The following NPAS3 variants were observed in gnomAD, a reference collection of about 807,000 sequenced individuals.
NPAS3 encodes the protein neuronal PAS domain-containing protein 3.
In NPAS3, 14 loss-of-function variants were observed where a neutral mutation model predicts 73.1. The ratio of observed to expected loss-of-function variants is 0.19; its 90% confidence interval spans 0.13 to 0.30. The LOEUF (loss-of-function observed/expected upper bound fraction) is 0.30, where lower values mean the gene tolerates loss of function less well. Ranked by LOEUF, NPAS3 falls within the 10% of genes least tolerant of loss-of-function variation. NPAS3 has a pLI of 1.00. For missense variants in NPAS3, 1,096 were observed against 1,250.0 expected (o/e 0.88, Z 1.86); for synonymous variants, 620 against 541.5 (o/e 1.14, Z -2.01).
chr14:33,291,997 A>G (rs2042117754), intron 3 of NPAS3, among the ~76,000 whole-genome samples: 1 of 152,178 alleles, frequency 6.6e-6, no homozygotes, highest in South Asian at 2.1e-4. Flanking sequence ...TTGCCGGTCT[A>G]ATTTCTTTGA....
chr14:33,276,239 G>A (rs12894723), intron 3 of NPAS3, among the ~76,000 whole-genome samples: 40,824 of 151,872 alleles, frequency 0.27, 6,151 homozygotes, highest in Middle Eastern at 0.36. Context: ...AGTGTTAAAC[G>A]TACTTACAAG....
intron 4 of NPAS3, among the ~76,000 whole-genome samples, chr14:33,387,532 C>T (rs2046822333): frequency 6.6e-6 from 1 of 152,128 alleles, no homozygotes; most frequent in Non-Finnish European, 1.5e-5. Context: ...GCCATCAAAG[C>T]AGGTTCCTGT....
chr14:33,155,372 G>A (rs1171184549), intron 2 of NPAS3, among the ~76,000 whole-genome samples: 1 of 152,090 alleles, frequency 6.6e-6, no homozygotes, highest in Admixed American at 6.6e-5. Flanking sequence ...TTTCTCCTGG[G>A]TATTTTCAAA....
intron 4 of NPAS3, among the ~76,000 whole-genome samples, chr14:33,521,333 T>G (rs896353693): frequency 1.6e-4 from 25 of 152,244 alleles, no homozygotes; most frequent in African/African-American, 5.3e-4. Flanking sequence ...CAGGATATTC[T>G]GCAGGAATCA....
rs561220768 is a variant in NPAS3, at chr14:33,800,474, G to A, written c.2167G>A (p.Gly723Ser). Residue 723 changes from glycine to serine, a missense_variant, in exon 12 of 12, where the codon GGC becomes AGC. Around this residue, in one of 5 missense-constraint regions of NPAS3, gnomAD observed 698 missense variants for 676.7 expected, o/e 1.03. Transcript: ENST00000356141. This position sits in a 1 kb window ranked among gnomAD's most constrained non-coding sequence, Gnocchi z 6.5. ...GGTCCTCACCCCGCCCGGCGCCGAC[G>A]GCGCGGCCGCCCGCAAGACTCAGTT... The A allele has an allele frequency of 1.6e-5, 24 of 1,486,948 alleles. No homozygotes were observed. Among genetic ancestry groups the A allele is most frequent in the African/African-American group, 1.2e-4 (8 of 67,994 alleles). The allele number at this position is 1,486,948 out of a possible 1,614,324, so 92.1% of individuals were successfully genotyped here.
At chr14:33,320,012 GA>G (rs1355042493) in intron 3 of NPAS3, among the ~76,000 whole-genome samples, 4 of 152,180 alleles carry the variant, frequency 2.6e-5, no homozygotes, top group Non-Finnish European at 5.9e-5. Flanking sequence ...GAGTTTAAGG[GA>G]AAGAGAGATT....
At chr14:33,505,045 C>CT (rs1751946552) in intron 4 of NPAS3, among the ~76,000 whole-genome samples, 1 of 151,932 alleles carries the variant, frequency 6.6e-6, no homozygotes, top group Admixed American at 6.6e-5. Flanking sequence ...TGCTTCAGTA[C>CT]TTTAAATAAA....
intron 2 of NPAS3, among the ~76,000 whole-genome samples, chr14:33,193,071 G>A (rs1242682471): frequency 1.3e-5 from 2 of 152,134 alleles, no homozygotes; most frequent in Non-Finnish European, 2.9e-5. Flanking sequence ...CCTAATCAGT[G>A]AAAACAATTC....
intron 1 of NPAS3, among the ~76,000 whole-genome samples, chr14:32,969,342 G>A (rs1276581704): frequency 6.6e-6 from 1 of 152,166 alleles, no homozygotes; most frequent in Admixed American, 6.5e-5. Context: ...TGGGTGGGGA[G>A]TGGGGAGTAC....
intron 6 of NPAS3, among the ~76,000 whole-genome samples, chr14:33,681,229 G>A (rs1183342503): frequency 1.3e-5 from 2 of 152,080 alleles, no homozygotes; most frequent in African/African-American, 4.8e-5. Flanking sequence ...TAAAAAAACG[G>A]CTTGGATATG....
chr14:33,199,523 T>G (rs1306326879), intron 2 of NPAS3, among the ~76,000 whole-genome samples: 2 of 152,168 alleles, frequency 1.3e-5, no homozygotes, highest in African/African-American at 4.8e-5. Context: ...TCAGTTTACC[T>G]CAGTTTGGTG....
intron 5 of NPAS3, among the ~76,000 whole-genome samples, chr14:33,628,260 A>C (rs1441532719): frequency 6.6e-6 from 1 of 152,234 alleles, no homozygotes; most frequent in Admixed American, 6.5e-5. Context: ...CATACAGCTC[A>C]GATTTTTAAT....
At chr14:33,215,153 A>C (rs1213048330) in intron 2 of NPAS3, 29 bp from the exon 3 acceptor site, 1 of 1,609,950 alleles carries the variant, frequency 6.2e-7, no homozygotes, top group Non-Finnish European at 8.5e-7. Flanking sequence ...CATATTCTAA[A>C]CCACACATTC....
In NPAS3 at chr14:33,296,919, A is replaced by G. The variant is rs142840021; in HGVS notation, c.386-70267A>G. Among the ~76,000 whole-genome samples, 1,290 of 152,312 alleles carry G rather than the reference A, an allele frequency of 8.5e-3. 13 individuals carry two copies. Among genetic ancestry groups the G allele is most frequent in the Non-Finnish European group, 9.4e-3 (639 of 68,028 alleles). On this transcript the variant is annotated intron_variant, in intron 3 of 11. Coordinates refer to ENST00000356141, the Ensembl canonical transcript of NPAS3. ...ACCTAGCTCTGTTCCTCTAAGGGACAAAGAACAGGGTCTGTACTTGAGCCA... is the reference window on the plus strand; with the variant it reads ...ACCTAGCTCTGTTCCTCTAAGGGACGAAGAACAGGGTCTGTACTTGAGCCA...
At chr14:32,980,940 C>T (rs1959163) in intron 1 of NPAS3, among the ~76,000 whole-genome samples, 25,450 of 152,032 alleles carry the variant, frequency 0.17, 2,532 homozygotes, top group African/African-American at 0.28. Context: ...CACCCACACA[C>T]GCATACACAC....
chr14:33,544,788 T>TTA (rs71406561), intron 4 of NPAS3, among the ~76,000 whole-genome samples: 1,224 of 63,106 alleles, frequency 0.019, 112 homozygotes, highest in Middle Eastern at 0.11. Flanking sequence ...TGTGTGTGTA[T>TTA]TATATATATA....
At chr14:33,281,159 C>T (rs1238981071) in intron 3 of NPAS3, among the ~76,000 whole-genome samples, 1 of 152,132 alleles carries the variant, frequency 6.6e-6, no homozygotes, top group Admixed American at 6.6e-5. Flanking sequence ...TCTGTTTCTA[C>T]ACTACGTAGG....
intron 6 of NPAS3, among the ~76,000 whole-genome samples, chr14:33,707,897 A>G (rs887277602): frequency 1.3e-5 from 2 of 152,152 alleles, no homozygotes; most frequent in African/African-American, 4.8e-5. Flanking sequence ...ACAGTGAGTC[A>G]ATATCTGAAC....
chr14:32,955,531 T>A (rs1326063995), intron 1 of NPAS3, among the ~76,000 whole-genome samples: 1 of 152,154 alleles, frequency 6.6e-6, no homozygotes, highest in East Asian at 1.9e-4. Context: ...AAACTCAAGA[T>A]ATCCATAACC....
Sources: gnomAD v4.1 joint callset for allele counts (sites outside exome capture counted in the v4.1 genomes callset) on GRCh38, gnomAD v4.1.1 for gene constraint, gnomAD v4.1.1 regional missense constraint, Gnocchi (gnomAD v3.1) non-coding constraint, MANE v1.5 for transcripts, NCBI Gene and HGNC (gene_info 2026-07-23, HGNC 2026-07-21) for gene names.